The following SLC2A9 variants were observed in gnomAD, a reference collection of about 807,000 sequenced individuals.
SLC2A9 encodes the protein solute carrier family 2 member 9.
In SLC2A9, 39 loss-of-function variants were observed where a neutral mutation model predicts 50.6. The ratio of observed to expected loss-of-function variants is 0.77; its 90% CI spans 0.60 to 1.01. The LOEUF (loss-of-function observed/expected upper bound fraction) is 1.01. SLC2A9 is among the 50% of genes least tolerant of loss of function. The probability of loss-of-function intolerance (pLI) is 0.00; values close to 1 mark genes in which losing one functional copy is unlikely to be tolerated. For synonymous variants in SLC2A9, 324 were observed against 276.9 expected, an observed-to-expected ratio of 1.17 and a Z score of -1.69; for missense variants, 686 against 677.6, an observed-to-expected ratio of 1.01 and a Z score of -0.14.
chr4:9,849,093 A>G (rs1729461337), intron 10 of SLC2A9, among the ~76,000 whole-genome samples: 1 of 152,042 alleles, frequency 6.6e-6, no homozygotes, highest in Admixed American at 6.5e-5. Context: ...GGGACAGGAG[A>G]GGCATCTTGT....
chr4:9,906,832 G>C (rs914066550), intron 8 of SLC2A9, among the ~76,000 whole-genome samples: 2 of 152,172 alleles, frequency 1.3e-5, no homozygotes, highest in Non-Finnish European at 2.9e-5. Context: ...TATAACTTGA[G>C]AATAACAAGA....
intron 3 of SLC2A9, among the ~76,000 whole-genome samples, chr4:9,809,199 T>A (rs1297925830): frequency 6.6e-6 from 1 of 152,170 alleles, no homozygotes; most frequent in African/African-American, 2.4e-5. Flanking sequence ...ATTATACAAA[T>A]GGACAAAAGT....
intron 3 of SLC2A9, among the ~76,000 whole-genome samples, chr4:9,800,708 G>A (rs931054857): frequency 1.3e-5 from 2 of 152,160 alleles, no homozygotes; most frequent in African/African-American, 4.8e-5. Context: ...TAAAAATAAT[G>A]CAGTATAACA....
At chr4:9,860,889 T>G (rs1222523753) in intron 10 of SLC2A9, among the ~76,000 whole-genome samples, 1 of 152,240 alleles carries the variant, frequency 6.6e-6, no homozygotes, top group Non-Finnish European at 1.5e-5. Context: ...GCTGCTCCTC[T>G]GCCTGGATTG....
intron 5 of SLC2A9, among the ~76,000 whole-genome samples, chr4:9,944,602 G>A (rs1748771359): frequency 6.6e-6 from 1 of 152,172 alleles, no homozygotes; most frequent in East Asian, 1.9e-4. Flanking sequence ...CTGAACTGGG[G>A]AAGGACAATG....
chr4:9,804,195 A>C (rs1396675148), intron 3 of SLC2A9, among the ~76,000 whole-genome samples: 1 of 152,204 alleles, frequency 6.6e-6, no homozygotes, highest in Non-Finnish European at 1.5e-5. Flanking sequence ...GTGTCATGAA[A>C]GCTTTTGGAA....
intron 5 of SLC2A9, among the ~76,000 whole-genome samples, chr4:9,946,473 G>A (rs1749179185): frequency 6.6e-6 from 1 of 152,214 alleles, no homozygotes; most frequent in Non-Finnish European, 1.5e-5. Flanking sequence ...AGGGAGCACG[G>A]TGAGGGGGTT....
downstream of SLC2A9, among the ~76,000 whole-genome samples, chr4:9,777,550 C>T (rs1447246804): frequency 4.7e-5 from 1 of 21,140 alleles, no homozygotes; most frequent in East Asian, 6.1e-4. Context: ...AAACAAATGT[C>T]AGTGTGTGGC....
intron 3 of SLC2A9, among the ~76,000 whole-genome samples, chr4:9,807,552 T>C (rs1722289747): frequency 6.6e-6 from 1 of 152,212 alleles, no homozygotes; most frequent in Admixed American, 6.5e-5. Context: ...CCAGGCCTCT[T>C]GCCTTTTGCA....
At chr4:9,910,653 G>A (rs1424734934) in intron 7 of SLC2A9, among the ~76,000 whole-genome samples, 2 of 152,302 alleles carry the variant, frequency 1.3e-5, no homozygotes, top group East Asian at 3.9e-4. Flanking sequence ...CCAGCCCTAG[G>A]TCCCACTTAA....
At chr4:9,828,308 TG>T (rs1275528003) in intron 11 of SLC2A9, among the ~76,000 whole-genome samples, 1 of 152,226 alleles carries the variant, frequency 6.6e-6, no homozygotes, top group Non-Finnish European at 1.5e-5. Context: ...ATGTTTTGCT[TG>T]GATTTTTGCA....
intron 5 of SLC2A9, among the ~76,000 whole-genome samples, chr4:9,947,990 C>T (rs1749504506): frequency 6.6e-6 from 1 of 152,132 alleles, no homozygotes; most frequent in Admixed American, 6.5e-5. Flanking sequence ...ATAAGGTTGC[C>T]TCCATGTCCA....
At chr4:9,783,377 G>C (rs1381622688) in intron 3 of SLC2A9, 1 of 1,614,230 alleles carries the variant, frequency 6.2e-7, no homozygotes, top group South Asian at 1.1e-5. Flanking sequence ...TGGTGACCCT[G>C]TTGCTGAGTC....
At chr4:9,900,935 G>A (rs1219490717) in intron 8 of SLC2A9, among the ~76,000 whole-genome samples, 1 of 152,154 alleles carries the variant, frequency 6.6e-6, no homozygotes, top group African/African-American at 2.4e-5. Flanking sequence ...TGACACATGG[G>A]GATTGTGGGA....
intron 11 of SLC2A9, 23 bp from the exon 12 acceptor site, chr4:9,826,623 A>C (rs1056502017): frequency 3.0e-5 from 48 of 1,605,406 alleles, no homozygotes; most frequent in Non-Finnish European, 3.9e-5. Context: ...AGAGACAAAA[A>C]CCCTCAAATA....
intron 8 of SLC2A9, among the ~76,000 whole-genome samples, chr4:9,897,633 T>C (rs1490931576): frequency 6.6e-6 from 1 of 152,006 alleles, no homozygotes; most frequent in Non-Finnish European, 1.5e-5. Context: ...AGGCCTGTAA[T>C]CCCAGCACTT....
chr4:9,879,382 A>ATG (rs3834811), intron 10 of SLC2A9: 100,412 of 919,076 alleles, frequency 0.11, 1,897 homozygotes, highest in African/African-American at 0.18. Context: ...TTATGTGTGT[A>ATG]TGTGTGTGTG....
intron 8 of SLC2A9, among the ~76,000 whole-genome samples, chr4:9,898,351 G>A (rs193154493): frequency 1.7e-4 from 26 of 152,172 alleles, no homozygotes; most frequent in African/African-American, 5.3e-4. Context: ...AGAAAATATC[G>A]CCTAAAATTT....
intron 3 of SLC2A9, among the ~76,000 whole-genome samples, chr4:9,814,816 G>C (rs966904659): frequency 1.3e-5 from 2 of 152,086 alleles, no homozygotes; most frequent in African/African-American, 4.8e-5. Flanking sequence ...GTAAAAGAAA[G>C]TTGCACGGCT....
Sources: gnomAD v4.1 joint callset for allele counts (sites outside exome capture counted in the v4.1 genomes callset) on GRCh38, gnomAD v4.1.1 for gene constraint, MANE v1.5 for transcripts, NCBI Gene and HGNC (gene_info 2026-07-23, HGNC 2026-07-21) for gene names.